The following TAFA4 variants were observed in gnomAD, a reference collection of about 807,000 sequenced individuals.
TAFA4 encodes the protein TAFA chemokine like family member 4, also known as chemokine-like protein TAFA-4.
A neutral mutation model predicts 21.1 loss-of-function variants in TAFA4; 20 were observed. That is an observed-to-expected ratio of 0.95 (90% CI 0.67 to 1.38). The LOEUF (loss-of-function observed/expected upper bound fraction) is 1.38, where lower values mean the gene tolerates loss of function less well. Among genes scored for constraint, TAFA4 ranks in the 40% most tolerant of loss-of-function variants. The pLI, the probability that TAFA4 is intolerant of heterozygous loss-of-function variation, is 0.00. For synonymous variants in TAFA4, 71 were observed against 67.4 expected, an observed-to-expected ratio of 1.05 and a Z score of -0.26; for missense variants, 211 against 180.9, an observed-to-expected ratio of 1.17 and a Z score of -0.95.
At chr3:68,876,893 T>C (rs1009656071) in intron 3 of TAFA4, among the ~76,000 whole-genome samples, 1 of 152,196 alleles carries the variant, frequency 6.6e-6, no homozygotes, top group African/African-American at 2.4e-5. Flanking sequence ...TTCCCAGGTA[T>C]TAATTGATTC....
chr3:68,860,782 A>G lies in TAFA4; in HGVS notation c.130+19948T>C, dbSNP rs1559546088. ...AAAAATTAAATGAAGATTTTAAAAT[A>G]CAAATAAACGATAGTTCAAGTCCAC... On this transcript the variant is annotated intron_variant, in intron 3 of 5. Coordinates refer to ENST00000295569, the MANE Select transcript of TAFA4 (RefSeq NM_182522.5). Among the ~76,000 whole-genome samples the G allele has an allele frequency of 2.0e-5, 3 of 152,314 alleles. No homozygotes were observed. The South Asian group carries it at 6.2e-4, about 32-fold the overall frequency.
intron 1 of TAFA4, among the ~76,000 whole-genome samples, chr3:68,900,517 A>C (rs1253395961): frequency 6.6e-6 from 1 of 152,032 alleles, no homozygotes; most frequent in Non-Finnish European, 1.5e-5. Flanking sequence ...ATCTCAGGGC[A>C]AATATTACTG....
intron 3 of TAFA4, among the ~76,000 whole-genome samples, chr3:68,768,645 G>A (rs1391583721): frequency 6.6e-6 from 1 of 152,146 alleles, no homozygotes; most frequent in African/African-American, 2.4e-5. Context: ...AATAGCTGCA[G>A]TGTTTACTGC....
chr3:68,732,147 T>C lies in TAFA4; in HGVS notation c.*995A>G, dbSNP rs1312352689. ...GTCTGCTGCAAAATCATTAAGCCAA[T>C]CAGGACTCAGATTTTAAAGAAATAA... On this transcript the variant is annotated 3_prime_UTR_variant, in exon 6 of 6. Transcript: ENST00000295569. 6.6e-6 allele frequency: 1 copy of C among 152,474 alleles called. No individual in the cohort carries two copies. Among genetic ancestry groups the C allele is most frequent in the Admixed American group, 6.6e-5 (1 of 15,242 alleles). 9.4% of individuals were successfully genotyped at this position (152,474 alleles called of 1,614,324 possible).
intron 1 of TAFA4, among the ~76,000 whole-genome samples, chr3:68,914,100 T>C (rs967490653): frequency 6.6e-6 from 1 of 152,230 alleles, no homozygotes; most frequent in Non-Finnish European, 1.5e-5. Context: ...AGAAGCTTTA[T>C]TTCCCTAGCC....
At chr3:68,818,202 T>C (rs2106857553) in intron 3 of TAFA4, among the ~76,000 whole-genome samples, 1 of 152,308 alleles carries the variant, frequency 6.6e-6, no homozygotes, top group African/African-American at 2.4e-5. Flanking sequence ...CTTTCTTTAA[T>C]CCTCAAACCT....
intron 3 of TAFA4, among the ~76,000 whole-genome samples, chr3:68,814,547 T>G (rs1050870522): frequency 1.3e-5 from 2 of 152,056 alleles, no homozygotes; most frequent in Non-Finnish European, 2.9e-5. Flanking sequence ...AAATCATGAG[T>G]GAACTCCCAT....
At chr3:68,773,002 C>A (rs1407330449) in intron 3 of TAFA4, among the ~76,000 whole-genome samples, 1 of 152,182 alleles carries the variant, frequency 6.6e-6, no homozygotes, top group African/African-American at 2.4e-5. Flanking sequence ...TGATCTCAAT[C>A]ATCTATATGA....
intron 3 of TAFA4, among the ~76,000 whole-genome samples, chr3:68,778,341 C>G (rs1419568809): frequency 1.3e-5 from 2 of 152,132 alleles, no homozygotes; most frequent in Non-Finnish European, 2.9e-5. Flanking sequence ...CAATATATAT[C>G]AAGATAACAA....
At chr3:68,839,116 C>A (rs759431245) in intron 3 of TAFA4, among the ~76,000 whole-genome samples, 1 of 152,042 alleles carries the variant, frequency 6.6e-6, no homozygotes, top group East Asian at 1.9e-4. Flanking sequence ...ACAACAACAA[C>A]AAAAATTCCC....
intron 5 of TAFA4, among the ~76,000 whole-genome samples, chr3:68,735,974 C>T (rs1424118672): frequency 1.3e-5 from 2 of 152,042 alleles, no homozygotes; most frequent in Non-Finnish European, 2.9e-5. Flanking sequence ...ATATCCGAGA[C>T]ATTGCCAAAT....
At chr3:68,791,663 G>A (rs911204644) in intron 3 of TAFA4, among the ~76,000 whole-genome samples, 5 of 152,146 alleles carry the variant, frequency 3.3e-5, no homozygotes, top group African/African-American at 1.2e-4. Context: ...CTGTCAGGAA[G>A]CCCAAGAAAT....
At chr3:68,733,852 T>C (rs1275582263) in intron 5 of TAFA4, among the ~76,000 whole-genome samples, 4 of 152,200 alleles carry the variant, frequency 2.6e-5, no homozygotes, top group Non-Finnish European at 5.9e-5. Context: ...ATCAGCTATG[T>C]ATGCAAACCT....
At chr3:68,889,106 T>C (rs765171471) in intron 1 of TAFA4, among the ~76,000 whole-genome samples, 3 of 152,200 alleles carry the variant, frequency 2.0e-5, no homozygotes, top group Non-Finnish European at 2.9e-5. Context: ...AGTCTCAGTG[T>C]TTTCAATGAT....
chr3:68,874,797 C>A lies in TAFA4; in HGVS notation c.130+5933G>T, dbSNP rs2089527263. ...AACCCTTTCTTTACACACACACACA[C>A]ACACACACACAAAGGATGTAAAGCA... On this transcript the variant is annotated intron_variant, in intron 3 of 5. Transcript: ENST00000295569. Among the ~76,000 whole-genome samples, 7 of 152,180 alleles carry A rather than the reference C, an allele frequency of 4.6e-5. No individual in the cohort carries two copies. The South Asian group carries it at 1.5e-3, about 32-fold the overall frequency.
At chr3:68,894,845 G>A (rs1464958511) in intron 1 of TAFA4, among the ~76,000 whole-genome samples, 1 of 145,798 alleles carries the variant, frequency 6.9e-6, no homozygotes, top group Non-Finnish European at 1.5e-5. Context: ...GGTGTTTTTG[G>A]TTTTGTTTTG....
chr3:68,926,995 C>T (rs2090112984), intron 1 of TAFA4, among the ~76,000 whole-genome samples: 1 of 152,150 alleles, frequency 6.6e-6, no homozygotes, highest in African/African-American at 2.4e-5. Context: ...GCCAGTATTC[C>T]TGCCCTCTAC....
rs186665001 is a variant in TAFA4, at chr3:68,905,061, C to T, written c.-122-19751G>A. Among the ~76,000 whole-genome samples the T allele has an allele frequency of 1.4e-3, 217 of 152,134 alleles. 1 individual carries two copies. The highest frequency in any genetic ancestry group is 5.1e-3 in the African/African-American group (210 of 41,494). ...CATTACATTTTAAAATCCATCCACT[C>T]TCCAAACATTTTTGAGCCCCAACTA... On this transcript the variant is annotated intron_variant, in intron 1 of 5. Transcript: ENST00000295569.
At chr3:68,741,625 TG>T (rs1236742240) in intron 4 of TAFA4, among the ~76,000 whole-genome samples, 1 of 151,924 alleles carries the variant, frequency 6.6e-6, no homozygotes, top group African/African-American at 2.4e-5. Flanking sequence ...AAACCCCATC[TG>T]TACTAAAAAT....
Sources: gnomAD v4.1 joint callset for allele counts (sites outside exome capture counted in the v4.1 genomes callset) on GRCh38, gnomAD v4.1.1 for gene constraint, MANE v1.5 for transcripts, NCBI Gene and HGNC (gene_info 2026-07-23, HGNC 2026-07-21) for gene names.